DYNC2H1: variants seen among roughly 807,000 people sequenced by gnomAD.
DYNC2H1 encodes cytoplasmic dynein 2 heavy chain 1.
In DYNC2H1, 410 loss-of-function variants were observed where a neutral mutation model predicts 570.0. The observed-to-expected ratio is 0.72, with a 90% CI of 0.66 to 0.78. DYNC2H1 has a LOEUF of 0.78. DYNC2H1 is among the 30% of genes least tolerant of loss of function. The pLI, the probability that DYNC2H1 is intolerant of heterozygous loss-of-function variation, is 0.00. For synonymous variants in DYNC2H1, 1,688 were observed against 1,677.6 expected (o/e 1.01, Z -0.15); for missense variants, 4,865 against 5,046.4 (o/e 0.96, Z 1.09).
At chr11:103,132,649 G>GT (rs1565326208) in intron 13 of DYNC2H1, among the ~76,000 whole-genome samples, 5 of 148,510 alleles carry the variant, frequency 3.4e-5, no homozygotes, top group African/African-American at 5.0e-5. Flanking sequence ...GAGGGTTGGG[G>GT]GTGTGTGTGT....
Position 103,334,653 on chromosome 11 carries a change from A to G in DYNC2H1, c.12039+10663A>G, listed in dbSNP as rs999365740. On this transcript the variant is annotated intron_variant, in intron 82 of 88. Coordinates refer to ENST00000375735, the MANE Select transcript of DYNC2H1 (RefSeq NM_001377.3). The surrounding 1 kb of genome is among the most constrained non-coding windows in gnomAD (Gnocchi z 4.3). ...GTCTTAAATTTGAAGATTTTGATATACTCCAGCAATTGAACATATTAAGTA... is the reference window on the plus strand; with the variant it reads ...GTCTTAAATTTGAAGATTTTGATATGCTCCAGCAATTGAACATATTAAGTA... 2.6e-5 allele frequency among the ~76,000 whole-genome samples: 4 copies of G among 152,108 alleles called. No individual in the cohort carries two copies. The highest frequency in any genetic ancestry group is 9.7e-5 in the African/African-American group (4 of 41,432).
At chr11:103,295,165 G>A (rs905758512) in intron 75 of DYNC2H1, among the ~76,000 whole-genome samples, 2 of 152,162 alleles carry the variant, frequency 1.3e-5, no homozygotes, top group African/African-American at 2.4e-5. Flanking sequence ...GGGCCCTCAG[G>A]CCATTTAATT....
At chr11:103,392,200 C>T (rs536636726) in intron 83 of DYNC2H1, among the ~76,000 whole-genome samples, 5 of 152,322 alleles carry the variant, frequency 3.3e-5, no homozygotes, top group African/African-American at 7.2e-5. Flanking sequence ...TGGGCAATGG[C>T]GGGCGCCCCT....
At chr11:103,424,657 A>G (rs1411801987) in intron 84 of DYNC2H1, among the ~76,000 whole-genome samples, 1 of 150,692 alleles carries the variant, frequency 6.6e-6, no homozygotes, top group African/African-American at 2.4e-5. Context: ...ATGCAACTAC[A>G]TGGATACACC....
chr11:103,413,919 G>GCTTGTCCTTTTGTTTGTC (rs1269551422), intron 84 of DYNC2H1, among the ~76,000 whole-genome samples: 2 of 152,080 alleles, frequency 1.3e-5, no homozygotes, highest in Non-Finnish European at 2.9e-5. Flanking sequence ...AACTTCCAGA[G>GCTTGTCCTTTTGTTTGTC]CTTGTCCTTT....
chr11:103,257,618 C>G lies in DYNC2H1; in HGVS notation c.10472C>G (p.Ala3491Gly), dbSNP rs754139539. The G allele has an allele frequency of 4.3e-6, 7 of 1,610,448 alleles. No homozygotes were observed. In the Admixed American group the frequency reaches 1.0e-4, roughly 23 times the overall value. The stretch of plus-strand genomic sequence containing the variant: ...TCTCTTGATCCATAGGAACGGGATG[C>G]CTATCTCCCCCTGGCTGAGAGTGCC... ...LQISLDQERD[A>G]YLPLAESASK... Residue 3491 changes from alanine to glycine, a missense_variant, in exon 69 of 89, where the codon GCC (alanine) becomes GGC (glycine). Ala to Gly is a moderately conservative substitution (Grantham distance 60). Around this residue, in one of 5 missense-constraint regions of DYNC2H1, gnomAD observed 2,401 missense variants for 2,454.6 expected, o/e 0.98. Coordinates refer to ENST00000375735, the MANE Select transcript of DYNC2H1 (RefSeq NM_001377.3).
intron 70 of DYNC2H1, among the ~76,000 whole-genome samples, chr11:103,271,091 T>A (rs1047314405): frequency 6.6e-6 from 1 of 152,242 alleles, no homozygotes; most frequent in Non-Finnish European, 1.5e-5. Flanking sequence ...TGTTTTAAAG[T>A]ATAATATTAC....
chr11:103,162,812 T>C (rs888004465), intron 29 of DYNC2H1, among the ~76,000 whole-genome samples: 4 of 152,194 alleles, frequency 2.6e-5, no homozygotes, highest in African/African-American at 4.8e-5. Flanking sequence ...GAAAAAATTG[T>C]TTTATTCAAA....
intron 87 of DYNC2H1, 133 bp downstream of exon 87, chr11:103,456,489 G>A: frequency 1.7e-6 from 1 of 572,708 alleles, no homozygotes; most frequent in Non-Finnish European, 2.8e-6. Flanking sequence ...TTATCTATGT[G>A]AAAAATCAAA....
intron 83 of DYNC2H1, among the ~76,000 whole-genome samples, chr11:103,377,578 T>C (rs1157828468): frequency 2.0e-5 from 3 of 152,186 alleles, no homozygotes; most frequent in Non-Finnish European, 2.9e-5. Flanking sequence ...TATATAATTC[T>C]GTTTTTAAAT....
chr11:103,376,124 G>T (rs1398638807), intron 83 of DYNC2H1, among the ~76,000 whole-genome samples: 4 of 152,238 alleles, frequency 2.6e-5, no homozygotes, highest in Middle Eastern at 3.4e-3. Context: ...TCCCCTGCTG[G>T]CACTCATTCT....
Position 103,300,658 on chromosome 11 carries a change from T to A in DYNC2H1, c.11096-2435T>A, listed in dbSNP as rs1218498507. The stretch of plus-strand genomic sequence containing the variant: ...AAAATGTTTTATTGCTTTGAAATAT[T>A]GTGTAAAATGAATTAATGGACATAT... On this transcript the variant is annotated intron_variant, in intron 75 of 88. Transcript: ENST00000375735. Among the ~76,000 whole-genome samples, 5 of 152,124 alleles carry A rather than the reference T, an allele frequency of 3.3e-5. No homozygotes were observed. In the East Asian group the frequency reaches 7.7e-4, roughly 23 times the overall value.
intron 45 of DYNC2H1, 24 bp from the exon 46 acceptor site, chr11:103,191,493 T>C: frequency 6.5e-7 from 1 of 1,529,286 alleles, no homozygotes; most frequent in African/African-American, 1.4e-5. Flanking sequence ...GTAGAAAGAT[T>C]GTTTACTGTA....
rs576409476 is a variant in DYNC2H1, at chr11:103,272,909, T to C, written c.10696-7439T>C. Among the ~76,000 whole-genome samples the C allele has an allele frequency of 9.2e-5, 14 of 152,302 alleles. No homozygotes were observed. The East Asian group carries it at 2.5e-3, about 27-fold the overall frequency. ...TATTCACTTGAGATTTTGCTTGTTA[T>C]ATATCCCCTTGATATTAAAATATTT... On this transcript the variant is annotated intron_variant, in intron 70 of 88. Coordinates refer to ENST00000375735, the MANE Select transcript of DYNC2H1 (RefSeq NM_001377.3).
intron 1 of DYNC2H1, among the ~76,000 whole-genome samples, chr11:103,111,331 G>T (rs1858102625): frequency 6.6e-6 from 1 of 152,184 alleles, no homozygotes. Context: ...GTCAAGCACT[G>T]TTCTAAGTAC....
chr11:103,436,070 G>C (rs1565598005), intron 85 of DYNC2H1, 38 bp downstream of exon 85: 1 of 1,568,686 alleles, frequency 6.4e-7, no homozygotes, highest in East Asian at 2.2e-5. Flanking sequence ...TTGTCTGACT[G>C]TGTGACTATT....
intron 66 of DYNC2H1, among the ~76,000 whole-genome samples, 153 bp from the exon 67 acceptor site, chr11:103,255,262 G>GA (rs2135260396): frequency 6.6e-6 from 1 of 152,230 alleles, no homozygotes; most frequent in East Asian, 1.9e-4. Context: ...TGTAATTGTT[G>GA]AAGGTGTCTT....
rs371940321 is a variant in DYNC2H1, at chr11:103,200,102, C to A, written c.8145C>A (p.Tyr2715Ter). Residue 2715 changes from tyrosine to a stop codon, truncating the protein, a stop_gained, in exon 50 of 89, where the codon TAC becomes TAA. Transcript: ENST00000375735. LOFTEE classifies it high-confidence loss of function. Reference sequence around the variant, plus strand: ...AGGTAGTTTTACTTCTTGAGGATTACCAGTTTGTACATCCTACATTTTTGG... The same window carrying A: ...AGGTAGTTTTACTTCTTGAGGATTAACAGTTTGTACATCCTACATTTTTGG... ...AQQVVLLLEDYQFVHPTFLEM... is the reference protein window; with the variant it reads ...AQQVVLLLED 77 of 1,590,520 alleles carry A rather than the reference C, an allele frequency of 4.8e-5. No homozygotes were observed. The highest frequency in any genetic ancestry group is 6.3e-5 in the Non-Finnish European group (74 of 1,167,520).
In DYNC2H1 at chr11:103,177,851, C is replaced by T; in HGVS notation, c.6139+31C>T. 1 of 1,562,896 alleles carries T rather than the reference C, an allele frequency of 6.4e-7. No homozygotes were observed. The highest frequency in any genetic ancestry group is 8.6e-7 in the Non-Finnish European group (1 of 1,162,984). ...TCTCTATGTATACTTCTTTGCTTTACTTAGTAATTCTTAGATAATGATATA... is the reference window on the plus strand; with the variant it reads ...TCTCTATGTATACTTCTTTGCTTTATTTAGTAATTCTTAGATAATGATATA... On this transcript the variant is annotated intron_variant, in intron 38 of 88. Transcript: ENST00000375735. This position sits in a 1 kb window ranked among gnomAD's most constrained non-coding sequence, Gnocchi z 4.4.
Sources: allele counts gnomAD v4.1 joint callset (sites outside exome capture counted in the v4.1 genomes callset), GRCh38; gene constraint gnomAD v4.1.1; regional missense constraint gnomAD v4.1.1; non-coding constraint Gnocchi (gnomAD v3.1); transcripts MANE v1.5; gene names NCBI Gene and HGNC (gene_info 2026-07-23, HGNC 2026-07-21).